Variants in KCNAB1 observed in about 807,000 individuals in gnomAD.
The protein encoded by KCNAB1 is voltage-gated potassium channel subunit beta-1.
In KCNAB1, 35 loss-of-function variants were observed where a neutral mutation model predicts 64.6. That is an observed-to-expected ratio of 0.54 (90% CI 0.41 to 0.72). The LOEUF is 0.72. Ranked by LOEUF, KCNAB1 falls within the 30% of genes least tolerant of loss-of-function variation. The pLI is 0.00. For missense variants in KCNAB1, 401 were observed against 512.9 expected (o/e 0.78, Z 2.11); for synonymous variants, 177 against 183.8 (o/e 0.96, Z 0.30).
chr3:156,370,939 T>G (rs1181263729), intron 1 of KCNAB1, among the ~76,000 whole-genome samples: 1 of 152,184 alleles, frequency 6.6e-6, no homozygotes, highest in Non-Finnish European at 1.5e-5. Context: ...TCATATAGCC[T>G]TCTCACTCAA....
intron 2 of KCNAB1, among the ~76,000 whole-genome samples, chr3:156,437,171 CT>C (rs1716641672): frequency 6.6e-6 from 1 of 152,092 alleles, no homozygotes; most frequent in Non-Finnish European, 1.5e-5. Context: ...AAGGATTGGT[CT>C]TTTATTCAGG....
rs186321143 is a variant in KCNAB1, at chr3:156,273,443, T to C, written c.276-148173T>C. The C allele has an allele frequency of 5.2e-4, 196 of 375,612 alleles. 2 individuals are homozygous for C. Among genetic ancestry groups the C allele is most frequent in the African/African-American group, 3.8e-3 (181 of 47,918 alleles). 23.3% of individuals were successfully genotyped at this position (375,612 alleles called of 1,614,324 possible). On this transcript the variant is annotated intron_variant, in intron 1 of 13. Transcript: ENST00000490337. The stretch of plus-strand genomic sequence containing the variant: ...TGGCTAGGCCTGGTCTAAATGCTCC[T>C]TCTGTGGGCATTGGCTGAGTCTGCC...
chr3:156,124,081 G>A (rs953302103), intron 1 of KCNAB1, among the ~76,000 whole-genome samples: 12 of 151,612 alleles, frequency 7.9e-5, no homozygotes, highest in African/African-American at 2.9e-4. Flanking sequence ...TATATCTTAT[G>A]ACCATAATAT....
chr3:156,280,678 C>T (rs1016480328), intron 1 of KCNAB1, among the ~76,000 whole-genome samples: 1 of 150,626 alleles, frequency 6.6e-6, no homozygotes, highest in Middle Eastern at 3.2e-3. Flanking sequence ...TGAAGAGGTC[C>T]TTCACATCCC....
intron 12 of KCNAB1, among the ~76,000 whole-genome samples, chr3:156,527,308 T>C (rs947688698): frequency 1.3e-5 from 2 of 152,108 alleles, no homozygotes; most frequent in Non-Finnish European, 2.9e-5. Context: ...TACAAACTAG[T>C]TGAGTAAAGG....
In KCNAB1 at chr3:156,278,984, CTTTTAAG is replaced by C. The variant is rs567389369; in HGVS notation, c.276-142626_276-142620del. On this transcript the variant is annotated intron_variant, in intron 1 of 13. Transcript: ENST00000490337. ...TTATTTATTTTTTATTTTTATTATA[CTTTTAAG>C]TTTTAGGGTACATGTGCACATTGTG... 5.2e-4 allele frequency among the ~76,000 whole-genome samples: 78 copies of C among 151,040 alleles called. 1 individual carries two copies. In the East Asian group the frequency reaches 8.0e-3, roughly 15 times the overall value.
At chr3:156,254,298 C>T (rs2108469209) in intron 1 of KCNAB1, among the ~76,000 whole-genome samples, 1 of 152,356 alleles carries the variant, frequency 6.6e-6, no homozygotes, top group East Asian at 1.9e-4. Flanking sequence ...CCCAGAACCT[C>T]ACTCATGGGA....
At chr3:156,468,830 C>G (rs1456745181) in intron 7 of KCNAB1, among the ~76,000 whole-genome samples, 1 of 152,222 alleles carries the variant, frequency 6.6e-6, no homozygotes, top group Non-Finnish European at 1.5e-5. Context: ...CAAACAGCAT[C>G]CCTGCTCAGG....
intron 1 of KCNAB1, among the ~76,000 whole-genome samples, chr3:156,383,853 G>A (rs1712366103): frequency 6.6e-6 from 1 of 152,184 alleles, no homozygotes; most frequent in East Asian, 1.9e-4. Context: ...CCCCTGAGCT[G>A]GTTTTGAGCC....
Position 156,142,081 on chromosome 3 carries a change from C to T in KCNAB1, c.275+21195C>T, listed in dbSNP as rs571179002. On this transcript the variant is annotated intron_variant, in intron 1 of 13. Coordinates refer to ENST00000490337, the MANE Select transcript of KCNAB1 (RefSeq NM_172160.3). ...GAAATGTTTGTTCATATCTTTTGCCCGTTTACCAATTAGATTGTTTATGTT... is the reference window on the plus strand; with the variant it reads ...GAAATGTTTGTTCATATCTTTTGCCTGTTTACCAATTAGATTGTTTATGTT... Among the ~76,000 whole-genome samples, 11 of 152,178 alleles carry T rather than the reference C, an allele frequency of 7.2e-5. No individual in the cohort carries two copies. The East Asian group carries it at 1.2e-3, about 16-fold the overall frequency.
intron 1 of KCNAB1, among the ~76,000 whole-genome samples, chr3:156,333,893 T>G (rs1723509838): frequency 1.3e-5 from 2 of 152,202 alleles, no homozygotes; most frequent in African/African-American, 2.4e-5. Flanking sequence ...TCTGTGAATG[T>G]GTTCATTTTT....
At chr3:156,260,145 A>T (rs569985139) in intron 1 of KCNAB1, among the ~76,000 whole-genome samples, 7 of 152,310 alleles carry the variant, frequency 4.6e-5, no homozygotes, top group African/African-American at 1.7e-4. Flanking sequence ...GCAGCTTGTA[A>T]TGAAGTCTGC....
At chr3:156,484,985 C>G (rs186338638) in intron 8 of KCNAB1, among the ~76,000 whole-genome samples, 1 of 152,046 alleles carries the variant, frequency 6.6e-6, no homozygotes, top group Non-Finnish European at 1.5e-5. Flanking sequence ...TAAAAATATT[C>G]TAGCTATTTC....
intron 1 of KCNAB1, among the ~76,000 whole-genome samples, chr3:156,177,227 T>TG: frequency 6.6e-6 from 1 of 152,184 alleles, no homozygotes; most frequent in South Asian, 2.1e-4. Context: ...TCTTATAGAG[T>TG]GGGGCTCATA....
intron 1 of KCNAB1, among the ~76,000 whole-genome samples, chr3:156,233,844 A>G (rs931767757): frequency 6.6e-6 from 1 of 152,092 alleles, no homozygotes; most frequent in Non-Finnish European, 1.5e-5. Flanking sequence ...GGAACCTAAC[A>G]TGCTGGAAGA....
chr3:156,283,230 AGTTTGGCTGGATATGAAATTCTGG>A, intron 1 of KCNAB1, among the ~76,000 whole-genome samples: 1 of 149,906 alleles, frequency 6.7e-6, no homozygotes, highest in East Asian at 2.0e-4. Context: ...TATGAAGCTT[AGTTTGGCTGGATATGAAATTCTGG>A]GTTGAAAATT....
chr3:156,191,367 A>G (rs901591030), intron 1 of KCNAB1, among the ~76,000 whole-genome samples: 1 of 152,234 alleles, frequency 6.6e-6, no homozygotes, highest in Admixed American at 6.5e-5. Context: ...TTTACAGAAC[A>G]TTAGCACTGT....
chr3:156,371,111 T>C (rs1726277759), intron 1 of KCNAB1, among the ~76,000 whole-genome samples: 1 of 152,182 alleles, frequency 6.6e-6, no homozygotes. Context: ...GGAACACACA[T>C]TGAGAAGTAT....
rs142204485 is a variant in KCNAB1, at chr3:156,398,766, A to C, written c.276-22850A>C. Among the ~76,000 whole-genome samples the C allele has an allele frequency of 3.5e-3, 524 of 151,308 alleles. 1 individual carries two copies. Among genetic ancestry groups the C allele is most frequent in the African/African-American group, 0.012 (499 of 40,966 alleles). On this transcript the variant is annotated intron_variant, in intron 1 of 13. Coordinates refer to ENST00000490337, the MANE Select transcript of KCNAB1 (RefSeq NM_172160.3). ...TTACTAATTAAAAAAATAAAGTAGA[A>C]ATTTTTAAAAGAAGGGATTAGAGAT...
Sources: allele counts gnomAD v4.1 joint callset (sites outside exome capture counted in the v4.1 genomes callset), GRCh38; gene constraint gnomAD v4.1.1; transcripts MANE v1.5; gene names NCBI Gene and HGNC (gene_info 2026-07-23, HGNC 2026-07-21).